The following SFMBT1 variants were observed in gnomAD, a reference collection of about 807,000 sequenced individuals.
The protein encoded by SFMBT1 is Scm like with four mbt domains 1.
Under a neutral mutation model 108.7 loss-of-function variants are expected in SFMBT1, and 32 were observed. The ratio of observed to expected loss-of-function variants is 0.29; its 90% confidence interval spans 0.22 to 0.40. SFMBT1 has a LOEUF of 0.40. Among genes scored for constraint, SFMBT1 ranks in the 10% least tolerant of loss-of-function variants. SFMBT1 has a pLI of 1.00. For missense variants in SFMBT1, 816 were observed against 1,059.6 expected, an observed-to-expected ratio of 0.77 and a Z score of 3.19; for synonymous variants, 348 against 369.5, an observed-to-expected ratio of 0.94 and a Z score of 0.67.
At chr3:52,940,414 C>T (rs1703144131) in intron 4 of SFMBT1, among the ~76,000 whole-genome samples, 2 of 152,084 alleles carry the variant, frequency 1.3e-5, no homozygotes, top group South Asian at 4.1e-4. Flanking sequence ...TACAGTAGCC[C>T]GCTTGAAGGG....
rs575639841 is a variant in SFMBT1, at chr3:52,918,672, T to C, written c.1373-146A>G. On this transcript the variant is annotated intron_variant, in intron 12 of 20. Transcript: ENST00000394752. ...ATATGTGTGTGTGTATATATATATA[T>C]ACACATATATATAGTACTATAAATT... 2.0e-4 allele frequency: 78 copies of C among 387,488 alleles called. 1 individual carries two copies. The South Asian group carries it at 4.3e-3, about 21-fold the overall frequency. 24.0% of individuals were successfully genotyped at this position (387,488 alleles called of 1,614,324 possible).
chr3:52,913,077 T>A (rs1360787313), intron 15 of SFMBT1, among the ~76,000 whole-genome samples: 1 of 152,228 alleles, frequency 6.6e-6, no homozygotes, highest in African/African-American at 2.4e-5. Context: ...AAAGGTCTCT[T>A]ATCTGTTACT....
chr3:53,011,710 C>T (rs1252220481), intron 1 of SFMBT1, among the ~76,000 whole-genome samples: 1 of 152,088 alleles, frequency 6.6e-6, no homozygotes, highest in Non-Finnish European at 1.5e-5. Flanking sequence ...AATACTGGTG[C>T]CACTGAAAAT....
chr3:53,003,106 A>C (rs928306242), intron 1 of SFMBT1, among the ~76,000 whole-genome samples: 1 of 108,502 alleles, frequency 9.2e-6, no homozygotes, highest in African/African-American at 3.3e-5. Flanking sequence ...TGGGTGACAG[A>C]GTGGGACTCC....
At chr3:53,007,186 T>C (rs1487836815) in intron 1 of SFMBT1, among the ~76,000 whole-genome samples, 3 of 152,246 alleles carry the variant, frequency 2.0e-5, no homozygotes, top group Non-Finnish European at 4.4e-5. Flanking sequence ...TTGTTTTAAA[T>C]TATTGTTCTG....
rs987712595 is a variant in SFMBT1, at chr3:52,931,934, T to C, written c.700+128A>G. On this transcript the variant is annotated intron_variant, in intron 6 of 20. Coordinates refer to ENST00000394752, the MANE Select transcript of SFMBT1 (RefSeq NM_016329.4). Reference sequence around the variant, plus strand: ...TTTAACAACTCCATATAAACTGTTTTGTAATAGCTCTATTATGAGAACTAA... The same window carrying C: ...TTTAACAACTCCATATAAACTGTTTCGTAATAGCTCTATTATGAGAACTAA... 7.4e-6 allele frequency: 8 copies of C among 1,076,934 alleles called. No individual in the cohort carries two copies. In the East Asian group the frequency reaches 2.1e-4, roughly 28 times the overall value. The allele number at this position is 1,076,934 out of a possible 1,614,324, so 66.7% of individuals were successfully genotyped here. A position where few individuals can be genotyped will look rare whatever the true frequency, so the allele number is the denominator to read the frequency against.
intron 1 of SFMBT1, among the ~76,000 whole-genome samples, chr3:53,029,290 G>A (rs1699603636): frequency 6.6e-6 from 1 of 151,904 alleles, no homozygotes. Context: ...GAAAATGGCA[G>A]TATGCAGAGC....
At chr3:52,981,529 A>ATTTTTT (rs34406724) in intron 1 of SFMBT1, among the ~76,000 whole-genome samples, 4 of 133,052 alleles carry the variant, frequency 3.0e-5, no homozygotes, top group Non-Finnish European at 6.3e-5. Context: ...TGCTCAGCTA[A>ATTTTTT]TTTTTTTTTT....
chr3:53,030,624 G>T, intron 1 of SFMBT1, among the ~76,000 whole-genome samples: 1 of 145,508 alleles, frequency 6.9e-6, no homozygotes. Flanking sequence ...TGGGAGTTTG[G>T]AGAGGTCCCT....
At chr3:52,997,001 G>T (rs556010092) in intron 1 of SFMBT1, among the ~76,000 whole-genome samples, 1 of 149,646 alleles carries the variant, frequency 6.7e-6, no homozygotes, top group Non-Finnish European at 1.5e-5. Context: ...CCTGGGAGGC[G>T]GAGCCTGCAG....
chr3:52,993,941 C>T (rs550913299), intron 1 of SFMBT1, among the ~76,000 whole-genome samples: 2 of 150,100 alleles, frequency 1.3e-5, no homozygotes, highest in South Asian at 2.1e-4. Context: ...GGGAAAAGGT[C>T]GAAACTGTAA....
chr3:52,986,502 C>G (rs1449829154), intron 1 of SFMBT1, among the ~76,000 whole-genome samples: 1 of 151,820 alleles, frequency 6.6e-6, no homozygotes, highest in Non-Finnish European at 1.5e-5. Context: ...CGCCATGGCT[C>G]ACGTCTGTAA....
intron 13 of SFMBT1, among the ~76,000 whole-genome samples, chr3:52,917,168 T>C (rs9814531): frequency 0.024 from 3,699 of 152,308 alleles, 174 homozygotes; most frequent in African/African-American, 0.084. Context: ...TCTCTCCACT[T>C]CTGTTGTTAG....
At chr3:53,017,543 T>C (rs1699167119) in intron 1 of SFMBT1, among the ~76,000 whole-genome samples, 1 of 152,050 alleles carries the variant, frequency 6.6e-6, no homozygotes, top group South Asian at 2.1e-4. Flanking sequence ...CTACATTAAG[T>C]CTTACACAGT....
intron 1 of SFMBT1, among the ~76,000 whole-genome samples, chr3:52,979,837 C>CCCT (rs1288388194): frequency 6.6e-6 from 1 of 152,132 alleles, no homozygotes; most frequent in Non-Finnish European, 1.5e-5. Flanking sequence ...TTGAAACCTG[C>CCCT]CCTCACGAAT....
chr3:52,989,333 G>A (rs1166067617), intron 1 of SFMBT1, among the ~76,000 whole-genome samples: 1 of 151,288 alleles, frequency 6.6e-6, no homozygotes, highest in African/African-American at 2.4e-5. Context: ...CTTTTGGGAG[G>A]CTGAGGCAGG....
At chr3:52,958,574 G>C (rs1703860481) in intron 2 of SFMBT1, among the ~76,000 whole-genome samples, 1 of 152,148 alleles carries the variant, frequency 6.6e-6, no homozygotes, top group Non-Finnish European at 1.5e-5. Context: ...CTGGGTGACA[G>C]AGTGAGACTC....
chr3:53,027,681 C>T (rs1174796164), intron 1 of SFMBT1, among the ~76,000 whole-genome samples: 3 of 152,318 alleles, frequency 2.0e-5, no homozygotes, highest in Admixed American at 2.0e-4. Context: ...AATCAGGCTG[C>T]AGCTGCCTTT....
intron 1 of SFMBT1, among the ~76,000 whole-genome samples, chr3:53,025,223 G>GA (rs1275721510): frequency 6.6e-6 from 1 of 152,122 alleles, no homozygotes; most frequent in Non-Finnish European, 1.5e-5. Context: ...TTTAGAACTA[G>GA]AAAAAATCTG....
Sources: allele counts gnomAD v4.1 joint callset (sites outside exome capture counted in the v4.1 genomes callset), GRCh38; gene constraint gnomAD v4.1.1; transcripts MANE v1.5; gene names NCBI Gene and HGNC (gene_info 2026-07-23, HGNC 2026-07-21).